The following GPC5 variants were observed in gnomAD, a reference collection of about 807,000 sequenced individuals.
GPC5 encodes glypican-5.
A neutral mutation model predicts 53.9 loss-of-function variants in GPC5; 47 were observed. The ratio of observed to expected loss-of-function variants is 0.87; its 90% confidence interval spans 0.69 to 1.11. The LOEUF (loss-of-function observed/expected upper bound fraction) is 1.11. Among genes scored for constraint, GPC5 ranks in the 50% most tolerant of loss-of-function variants. The probability of loss-of-function intolerance (pLI) is 0.00; values close to 1 mark genes in which losing one functional copy is unlikely to be tolerated. For synonymous variants in GPC5, 286 were observed against 263.3 expected (o/e 1.09, Z -0.84); for missense variants, 748 against 713.1 (o/e 1.05, Z -0.56).
chr13:92,758,517 G>GA (rs1031970671), intron 7 of GPC5, among the ~76,000 whole-genome samples: 1 of 151,974 alleles, frequency 6.6e-6, no homozygotes, highest in African/African-American at 2.4e-5. Flanking sequence ...TAGTATGTGG[G>GA]AAAAAATGTG....
intron 7 of GPC5, among the ~76,000 whole-genome samples, chr13:92,678,823 C>G (rs748976698): frequency 1.3e-5 from 2 of 152,044 alleles, no homozygotes; most frequent in African/African-American, 2.4e-5. Flanking sequence ...ATTGCAATCA[C>G]CTAGGAAAAA....
chr13:92,668,605 T>C (rs61975935), intron 7 of GPC5, among the ~76,000 whole-genome samples: 26,518 of 152,146 alleles, frequency 0.17, 2,885 homozygotes, highest in South Asian at 0.27. Context: ...ATTTTCATTG[T>C]TGTCATTGTT....
At chr13:91,406,391 C>T (rs1877326034) in intron 1 of GPC5, among the ~76,000 whole-genome samples, 1 of 152,068 alleles carries the variant, frequency 6.6e-6, no homozygotes. Context: ...AAAGATGGAC[C>T]CCCATGTTTT....
intron 6 of GPC5, among the ~76,000 whole-genome samples, chr13:92,094,506 G>A (rs1392795132): frequency 2.0e-5 from 2 of 101,202 alleles, no homozygotes; most frequent in African/African-American, 8.7e-5. Context: ...GGGCGAAAGA[G>A]CAAGACTCCG....
intron 7 of GPC5, among the ~76,000 whole-genome samples, chr13:92,632,293 A>G (rs1224660828): frequency 2.6e-5 from 4 of 152,090 alleles, no homozygotes; most frequent in Non-Finnish European, 5.9e-5. Context: ...CAGAAATTTC[A>G]TAAGCATCAT....
At chr13:92,092,112 C>G (rs1210981260) in intron 6 of GPC5, among the ~76,000 whole-genome samples, 1 of 152,182 alleles carries the variant, frequency 6.6e-6, no homozygotes, top group Non-Finnish European at 1.5e-5. Context: ...TGCTATATAT[C>G]TCTTAAATGG....
Position 91,441,250 on chromosome 13 carries a change from T to G in GPC5, c.164-7511T>G, listed in dbSNP as rs181074331. On this transcript the variant is annotated intron_variant, in intron 1 of 7. Transcript: ENST00000377067. The stretch of plus-strand genomic sequence containing the variant: ...ATACTGCAAGTCAGACCCTTTTTGT[T>G]TTTTGGACATGTAAGGTTTATTTTC... 1.3e-3 allele frequency among the ~76,000 whole-genome samples: 192 copies of G among 152,268 alleles called. 1 individual carries two copies. Among genetic ancestry groups the G allele is most frequent in the African/African-American group, 3.2e-3 (134 of 41,548 alleles).
intron 7 of GPC5, among the ~76,000 whole-genome samples, chr13:92,455,889 A>T (rs965361378): frequency 6.6e-6 from 1 of 152,160 alleles, no homozygotes; most frequent in African/African-American, 2.4e-5. Flanking sequence ...TTATCAAAAA[A>T]CGTGTCTCTT....
intron 7 of GPC5, among the ~76,000 whole-genome samples, chr13:92,636,925 G>T (rs116334863): frequency 0.011 from 1,668 of 152,040 alleles, 31 homozygotes; most frequent in African/African-American, 0.038. Context: ...TTGATGAATA[G>T]CCCGTATTCT....
intron 7 of GPC5, among the ~76,000 whole-genome samples, chr13:92,789,893 A>C (rs1876401146): frequency 6.6e-6 from 1 of 152,144 alleles, no homozygotes. Flanking sequence ...AAACCTCAAA[A>C]GTAGGGAAGC....
intron 6 of GPC5, among the ~76,000 whole-genome samples, chr13:92,123,686 CTG>C (rs1365494537): frequency 6.6e-6 from 1 of 152,118 alleles, no homozygotes; most frequent in African/African-American, 2.4e-5. Flanking sequence ...GGGGACAAAA[CTG>C]AATATATAAG....
intron 7 of GPC5, among the ~76,000 whole-genome samples, chr13:92,707,839 G>T (rs1471239058): frequency 6.6e-6 from 1 of 152,110 alleles, no homozygotes; most frequent in East Asian, 1.9e-4. Flanking sequence ...CTTTTGGCTT[G>T]GTTTGGATTT....
At chr13:91,701,846 T>G (rs1042190716) in intron 3 of GPC5, among the ~76,000 whole-genome samples, 1 of 152,130 alleles carries the variant, frequency 6.6e-6, no homozygotes, top group Non-Finnish European at 1.5e-5. Flanking sequence ...GGTAGTTCTA[T>G]TTTTAATTTT....
In GPC5 at chr13:92,122,384, C is replaced by T. The variant is rs535040096; in HGVS notation, c.1402-22446C>T. On this transcript the variant is annotated intron_variant, in intron 6 of 7. Coordinates refer to ENST00000377067, the MANE Select transcript of GPC5 (RefSeq NM_004466.6). ...GTCCGAAACTTCTGAAGAGATACTG[C>T]CTTCAGCTGCTTCTCAGTAGCAGCG... Among the ~76,000 whole-genome samples, 13 of 151,932 alleles carry T rather than the reference C, an allele frequency of 8.6e-5. No individual in the cohort carries two copies. The East Asian group carries it at 1.4e-3, about 16-fold the overall frequency.
intron 5 of GPC5, among the ~76,000 whole-genome samples, chr13:91,868,617 A>G (rs2039110021): frequency 6.6e-6 from 1 of 152,030 alleles, no homozygotes. Flanking sequence ...ACAAGGGAGG[A>G]TCTCCTGAGC....
At chr13:92,089,303 G>A (rs113516475) in intron 6 of GPC5, among the ~76,000 whole-genome samples, 12 of 151,562 alleles carry the variant, frequency 7.9e-5, no homozygotes, top group African/African-American at 2.2e-4. Context: ...GCATTGTGGC[G>A]GGCGGCTGTA....
chr13:91,731,284 C>G (rs1022385237), intron 4 of GPC5, among the ~76,000 whole-genome samples: 1 of 152,156 alleles, frequency 6.6e-6, no homozygotes, highest in African/African-American at 2.4e-5. Context: ...GATAAGCCAA[C>G]CTTCACCAAG....
At chr13:91,916,008 G>A (rs1380149009) in intron 6 of GPC5, among the ~76,000 whole-genome samples, 1 of 152,160 alleles carries the variant, frequency 6.6e-6, no homozygotes, top group Non-Finnish European at 1.5e-5. Flanking sequence ...ATAGTAATGT[G>A]CTAAGGAACA....
chr13:91,727,597 A>G (rs2036602649), intron 3 of GPC5, among the ~76,000 whole-genome samples: 1 of 152,246 alleles, frequency 6.6e-6, no homozygotes, highest in Non-Finnish European at 1.5e-5. Context: ...TACTCATTAC[A>G]TGGAAAATCA....
Sources: gnomAD v4.1 joint callset for allele counts (sites outside exome capture counted in the v4.1 genomes callset) on GRCh38, gnomAD v4.1.1 for gene constraint, MANE v1.5 for transcripts, NCBI Gene and HGNC (gene_info 2026-07-23, HGNC 2026-07-21) for gene names.